The following B4GALT5 variants were observed in gnomAD, a reference collection of about 807,000 sequenced individuals.
The protein encoded by B4GALT5 is beta-1,4-galactosyltransferase 5.
B4GALT5 carries 11 observed loss-of-function variants against 45.0 expected under a neutral mutation model. The observed-to-expected ratio is 0.24, with a 90% CI of 0.15 to 0.40. B4GALT5 has a LOEUF of 0.40. B4GALT5 is among the 10% of genes least tolerant of loss of function. B4GALT5 has a pLI of 1.00. For missense variants in B4GALT5, 337 were observed against 500.2 expected (o/e 0.67, Z 3.11); for synonymous variants, 185 against 182.9 (o/e 1.01, Z -0.09).
chr20:49,710,564 C>G (rs2085904497), intron 1 of B4GALT5, among the ~76,000 whole-genome samples: 1 of 151,916 alleles, frequency 6.6e-6, no homozygotes, highest in Admixed American at 6.6e-5. Flanking sequence ...GGATTACAGG[C>G]ACCTGCCACC....
intron 1 of B4GALT5, among the ~76,000 whole-genome samples, chr20:49,689,692 GA>G (rs992973357): frequency 5.9e-5 from 9 of 152,018 alleles, no homozygotes; most frequent in Non-Finnish European, 8.8e-5. Context: ...TAATTAATTA[GA>G]TTTTTTTTCC....
chr20:49,663,197 C>A (rs1472825689), intron 1 of B4GALT5, among the ~76,000 whole-genome samples: 2 of 152,164 alleles, frequency 1.3e-5, no homozygotes, highest in African/African-American at 4.8e-5. Context: ...AATGGCTACC[C>A]TGGAGTGCAG....
At chr20:49,691,295 C>G (rs1480893240) in intron 1 of B4GALT5, among the ~76,000 whole-genome samples, 1 of 152,064 alleles carries the variant, frequency 6.6e-6, no homozygotes, top group East Asian at 1.9e-4. Context: ...GGTGGAAGGA[C>G]TGCTTGAGCC....
chr20:49,684,679 T>C, intron 1 of B4GALT5: 1 of 517,396 alleles, frequency 1.9e-6, no homozygotes, highest in Non-Finnish European at 3.9e-6. Context: ...AATCAAGGCA[T>C]ACCTGCAGAC....
rs1601248471 is a variant in B4GALT5, at chr20:49,647,135, T to C, written c.251-57A>G. The C allele has an allele frequency of 3.9e-6, 4 of 1,024,082 alleles. No homozygotes were observed. In the East Asian group the frequency reaches 9.9e-5, roughly 25 times the overall value. 63.4% of individuals were successfully genotyped at this position (1,024,082 alleles called of 1,614,324 possible). A position where few individuals can be genotyped will look rare whatever the true frequency, so the allele number is the denominator to read the frequency against. On this transcript the variant is annotated intron_variant, in intron 2 of 8. Transcript: ENST00000371711. ...CTGGTATGTGTGATCAACCGTGCAA[T>C]TATCAGATGCCTACCAAGTAAGTCT...
At chr20:49,704,096 C>A (rs1350647492) in intron 1 of B4GALT5, among the ~76,000 whole-genome samples, 1 of 152,120 alleles carries the variant, frequency 6.6e-6, no homozygotes, top group Admixed American at 6.5e-5. Flanking sequence ...ATGACCTTCA[C>A]CAGCCAAGTC....
chr20:49,693,587 C>T (rs781004300), intron 1 of B4GALT5, among the ~76,000 whole-genome samples: 6 of 152,182 alleles, frequency 3.9e-5, no homozygotes, highest in Non-Finnish European at 7.4e-5. Context: ...GGGAAGCTCT[C>T]TACATCTGAT....
At position 49,665,440 on chromosome 20, in the gene B4GALT5, GTAATAATAATAA is replaced by G. The variant is rs71339446; in HGVS notation, c.116-8750_116-8739del. The stretch of plus-strand genomic sequence containing the variant: ...AAAAAGGGGGGGTGGGGGGGTAGTA[GTAATAATAATAA>G]TAATAATAATAATAATAATAATAAT... On this transcript the variant is annotated intron_variant, in intron 1 of 8. Transcript: ENST00000371711. Among the ~76,000 whole-genome samples, 942 of 95,030 alleles carry G rather than the reference GTAATAATAATAA, an allele frequency of 9.9e-3. 14 individuals carry two copies. Among genetic ancestry groups the G allele is most frequent in the African/African-American group, 0.028 (679 of 24,108 alleles). 62.3% of individuals were successfully genotyped at this position (95,030 alleles called of 152,430 possible).
chr20:49,688,998 A>C (rs1313530728), intron 1 of B4GALT5, among the ~76,000 whole-genome samples: 1 of 152,130 alleles, frequency 6.6e-6, no homozygotes, highest in Non-Finnish European at 1.5e-5. Flanking sequence ...GAGCAAAAAA[A>C]GAGAATGATT....
chr20:49,686,004 T>C (rs987526046), intron 1 of B4GALT5, among the ~76,000 whole-genome samples: 3 of 151,984 alleles, frequency 2.0e-5, no homozygotes, highest in Non-Finnish European at 4.4e-5. Flanking sequence ...ACATCTCCTC[T>C]GACTCAGCAC....
intron 1 of B4GALT5, among the ~76,000 whole-genome samples, chr20:49,710,549 A>G (rs2034228987): frequency 6.6e-6 from 1 of 151,748 alleles, no homozygotes; most frequent in Admixed American, 6.6e-5. Flanking sequence ...CCTCCTGAGT[A>G]GCTGGGATTA....
chr20:49,689,045 G>A (rs2085799004), intron 1 of B4GALT5, among the ~76,000 whole-genome samples: 1 of 151,946 alleles, frequency 6.6e-6, no homozygotes, highest in South Asian at 2.1e-4. Flanking sequence ...CATCTAGACT[G>A]AAAGCTGGAG....
chr20:49,709,267 T>C (rs1384613514), intron 1 of B4GALT5, among the ~76,000 whole-genome samples: 1 of 152,088 alleles, frequency 6.6e-6, no homozygotes, highest in Non-Finnish European at 1.5e-5. Flanking sequence ...TATTTCAACA[T>C]TGCAAATAAA....
chr20:49,705,587 C>G (rs571718903), intron 1 of B4GALT5, among the ~76,000 whole-genome samples: 83 of 152,244 alleles, frequency 5.5e-4, no homozygotes, highest in African/African-American at 2.0e-3. Context: ...CCATTCTCAC[C>G]GCAGCAGTCT....
intron 1 of B4GALT5, among the ~76,000 whole-genome samples, chr20:49,663,425 T>C (rs1440744917): frequency 7.2e-6 from 1 of 139,716 alleles, no homozygotes; most frequent in Admixed American, 7.3e-5. Flanking sequence ...GAAATTGATA[T>C]GCACTCACAT....
chr20:49,672,683 T>C (rs530845845), intron 1 of B4GALT5, among the ~76,000 whole-genome samples: 16 of 152,222 alleles, frequency 1.1e-4, no homozygotes, highest in African/African-American at 3.6e-4. Context: ...CAAAGGCACG[T>C]TGGAAGAGCA....
chr20:49,636,156 C>T lies in B4GALT5; in HGVS notation c.*156G>A, dbSNP rs762997284. On this transcript the variant is annotated 3_prime_UTR_variant, in exon 9 of 9. Transcript: ENST00000371711. ...GGCTGATCCAGTGAAGGCGTTTGTG[C>T]GTGTGCTGTCACATTTTCCCCCTGA... 1.3e-4 allele frequency: 129 copies of T among 962,080 alleles called. 1 individual carries two copies. Among genetic ancestry groups the T allele is most frequent in the Admixed American group, 1.6e-4 (6 of 37,832 alleles). 59.6% of individuals were successfully genotyped at this position (962,080 alleles called of 1,614,324 possible). A position where few individuals can be genotyped will look rare whatever the true frequency, so the allele number is the denominator to read the frequency against.
chr20:49,636,739 T>C (rs2085555441), intron 8 of B4GALT5, among the ~76,000 whole-genome samples: 1 of 152,146 alleles, frequency 6.6e-6, no homozygotes, highest in Non-Finnish European at 1.5e-5. Flanking sequence ...TAATGTGAGG[T>C]AACTTGCCCA....
chr20:49,668,731 C>A (rs1245841671), intron 1 of B4GALT5, among the ~76,000 whole-genome samples: 1 of 152,098 alleles, frequency 6.6e-6, no homozygotes, highest in Non-Finnish European at 1.5e-5. Context: ...TCCGCACCCC[C>A]TCGTCCTAAT....
Sources: allele counts gnomAD v4.1 joint callset (sites outside exome capture counted in the v4.1 genomes callset), GRCh38; gene constraint gnomAD v4.1.1; transcripts MANE v1.5; gene names NCBI Gene and HGNC (gene_info 2026-07-23, HGNC 2026-07-21).